Variants in TPGS1 observed in about 807,000 individuals in gnomAD.
TPGS1 encodes gene trap ROSA b-geo 22.
A neutral mutation model predicts 11.9 loss-of-function variants in TPGS1; 18 were observed. The observed-to-expected ratio is 1.51, with a 90% CI of 1.04 to 2.24. The LOEUF is 2.24. Ranked by LOEUF, TPGS1 falls within the 30% of genes most tolerant of loss-of-function variation. The probability of loss-of-function intolerance (pLI) is 0.00; values close to 1 mark genes in which losing one functional copy is unlikely to be tolerated. For missense variants in TPGS1, 500 were observed against 443.0 expected (o/e 1.13, Z -1.16); for synonymous variants, 247 against 218.2 (o/e 1.13, Z -1.16).
intron 1 of TPGS1, chr19:508,397 C>G (rs1978689964): frequency 6.6e-6 from 1 of 152,444 alleles, no homozygotes; most frequent in Non-Finnish European, 1.5e-5. Context: ...AATTTAGACC[C>G]CGAGTGTGGG....
At chr19:511,997 G>A (rs1349638565) in intron 1 of TPGS1, among the ~76,000 whole-genome samples, 4 of 151,834 alleles carry the variant, frequency 2.6e-5, no homozygotes, top group Admixed American at 6.6e-5. Flanking sequence ...TCAGCCTCCC[G>A]AGTAGCTGGG....
rs1424651704 is a variant in TPGS1 at position 507,835 on chromosome 19, A to G, written c.329A>G (p.His110Arg). 3 of 1,342,572 alleles carry G rather than the reference A, an allele frequency of 2.2e-6. No individual in the cohort carries two copies. The highest frequency in any genetic ancestry group is 3.0e-5 in the East Asian group (1 of 32,874). 83.2% of individuals were successfully genotyped at this position (1,342,572 alleles called of 1,614,324 possible). A position where few individuals can be genotyped will look rare whatever the true frequency, so the allele number is the denominator to read the frequency against. ...RALWHLRLAH[H>R]SQRAAFNNNV... ...CTATGGCACCTTCGCCTGGCCCACC[A>G]CTCCCAGAGGTGCGCAGTGGGCCGG... The change falls in exon 1 of 2, where the codon CAC (histidine) becomes CGC (arginine). Residue 110 changes from histidine to arginine, a missense_variant. His to Arg is a conservative substitution (Grantham distance 29). Coordinates refer to ENST00000359315, the MANE Select transcript of TPGS1 (RefSeq NM_033513.3).
chr19:511,611 C>T (rs1978797418), intron 1 of TPGS1, among the ~76,000 whole-genome samples: 1 of 152,400 alleles, frequency 6.6e-6, no homozygotes, highest in South Asian at 2.1e-4. Flanking sequence ...GGCAGACGAA[C>T]ACCCGAGGCA....
At position 517,069 on chromosome 19, in the gene TPGS1, C is replaced by T. The variant is rs144895777; in HGVS notation, c.339-1820C>T. Among the ~76,000 whole-genome samples, 149 of 152,094 alleles carry T rather than the reference C, an allele frequency of 9.8e-4. 1 individual carries two copies. The highest frequency in any genetic ancestry group is 3.2e-3 in the African/African-American group (132 of 41,500). On this transcript the variant is annotated intron_variant, in intron 1 of 1. Coordinates refer to ENST00000359315, the MANE Select transcript of TPGS1 (RefSeq NM_033513.3). Reference sequence around the variant, plus strand: ...TGTGGGCAGGGCAGTGTTCTGGGCACCAGGGCTATAACCAAGACGAACTTC... The same window carrying T: ...TGTGGGCAGGGCAGTGTTCTGGGCATCAGGGCTATAACCAAGACGAACTTC...
chr19:508,205 C>G (rs1194078375), intron 1 of TPGS1: 1 of 209,898 alleles, frequency 4.8e-6, no homozygotes, highest in Admixed American at 5.9e-5. Flanking sequence ...TCCTCCTAGT[C>G]GCCTCCTTAG....
chr19:512,448 C>T (rs1022166702), intron 1 of TPGS1, among the ~76,000 whole-genome samples: 1 of 152,242 alleles, frequency 6.6e-6, no homozygotes, highest in Non-Finnish European at 1.5e-5. Context: ...CAGGCAGGAG[C>T]CACGGCACCC....
intron 1 of TPGS1, among the ~76,000 whole-genome samples, chr19:513,448 G>T (rs1978859101): frequency 6.6e-6 from 1 of 152,086 alleles, no homozygotes; most frequent in Non-Finnish European, 1.5e-5. Context: ...CCTCGAGCTC[G>T]CTGAGATGGC....
In TPGS1 at chr19:518,755, G is replaced by T. The variant is rs1354481114; in HGVS notation, c.339-134G>T. On this transcript the variant is annotated intron_variant, in intron 1 of 1. Coordinates refer to ENST00000359315, the MANE Select transcript of TPGS1 (RefSeq NM_033513.3). ...GAGGAGGAGGGGAGGCCGGGGATGG[G>T]GGGTAGGAGGAGAGGGGAGGCCAGG... 145 of 944,954 alleles carry T rather than the reference G, an allele frequency of 1.5e-4. 1 individual carries two copies. The highest frequency in any genetic ancestry group is 1.4e-3 in the Middle Eastern group (4 of 2,912). 58.5% of individuals were successfully genotyped at this position (944,954 alleles called of 1,614,324 possible).
intron 1 of TPGS1, among the ~76,000 whole-genome samples, chr19:514,913 A>G (rs1346373067): frequency 2.0e-5 from 3 of 152,162 alleles, no homozygotes; most frequent in Non-Finnish European, 4.4e-5. Flanking sequence ...CCTCCACGGG[A>G]GTGTGTGTCA....
chr19:518,737 A>C, intron 1 of TPGS1, 152 bp from the exon 2 acceptor site: 1 of 725,844 alleles, frequency 1.4e-6, no homozygotes, highest in Non-Finnish European at 1.9e-6. Context: ...GGTGAGGAGG[A>C]GGGGAGGCCG....
Position 507,524 on chromosome 19 carries a change from G to A in TPGS1, c.18G>A (p.Lys6=). Residue 6 remains lysine, a synonymous_variant, in exon 1 of 2, where the codon AAG becomes AAA. Transcript: ENST00000359315. The part of the protein sequence containing the change: MAAVE[K]RRQAVPPPAG... ...CAGCGAAGATGGCGGCAGTGGAGAA[G>A]CGGCGGCAAGCGGTACCACCGCCGG... is the stretch of plus-strand genomic sequence containing the variant. The A allele has an allele frequency of 1.4e-6, 2 of 1,419,054 alleles. No individual in the cohort carries two copies. The highest frequency in any genetic ancestry group is 1.8e-6 in the Non-Finnish European group (2 of 1,082,500). 87.9% of individuals were successfully genotyped at this position (1,419,054 alleles called of 1,614,324 possible).
intron 1 of TPGS1, among the ~76,000 whole-genome samples, chr19:513,220 C>T (rs1234268145): frequency 1.3e-5 from 2 of 152,170 alleles, no homozygotes; most frequent in Non-Finnish European, 1.5e-5. Context: ...GATGGGAGCT[C>T]GGGCCGCCGC....
intron 1 of TPGS1, 28 bp downstream of exon 1, chr19:507,872 G>T: frequency 7.7e-7 from 1 of 1,304,862 alleles, no homozygotes; most frequent in Non-Finnish European, 9.7e-7. Context: ...TTGGGCGGGT[G>T]GGGCAGCGAT....
At chr19:510,261 T>A (rs1226225903) in intron 1 of TPGS1, 1 of 151,898 alleles carries the variant, frequency 6.6e-6, no homozygotes, top group East Asian at 1.9e-4. Flanking sequence ...TAGTCCCAGC[T>A]ACTCGGGAGG....
chr19:512,807 C>T (rs1184568781), intron 1 of TPGS1, among the ~76,000 whole-genome samples: 1 of 152,240 alleles, frequency 6.6e-6, no homozygotes, highest in African/African-American at 2.4e-5. Flanking sequence ...AGTGTGGCCT[C>T]CGAGGCGGGT....
chr19:512,981 A>AGCCCCGGGGGAGT (rs1195819720), intron 1 of TPGS1, among the ~76,000 whole-genome samples: 1 of 152,138 alleles, frequency 6.6e-6, no homozygotes, highest in Non-Finnish European at 1.5e-5. Context: ...CCTCGCGTCG[A>AGCCCCGGGGGAGT]GCCCCGGGGG....
intron 1 of TPGS1, chr19:508,920 C>G (rs1269321461): frequency 6.6e-6 from 1 of 152,460 alleles, no homozygotes; most frequent in Non-Finnish European, 1.5e-5. Flanking sequence ...AGGCCCCGCC[C>G]GATGATTTGC....
intron 1 of TPGS1, chr19:510,354 C>T (rs1177520762): frequency 6.7e-6 from 1 of 150,302 alleles, no homozygotes; most frequent in Non-Finnish European, 1.5e-5. Flanking sequence ...GCCTGGGCGA[C>T]AGAGCGAGAC....
chr19:515,901 G>A (rs1260985100), intron 1 of TPGS1, among the ~76,000 whole-genome samples: 1 of 150,822 alleles, frequency 6.6e-6, no homozygotes, highest in Non-Finnish European at 1.5e-5. Flanking sequence ...GCATAGTGGC[G>A]GACGCCTGTA....
Sources: gnomAD v4.1 joint callset for allele counts (sites outside exome capture counted in the v4.1 genomes callset) on GRCh38, gnomAD v4.1.1 for gene constraint, MANE v1.5 for transcripts, NCBI Gene and HGNC (gene_info 2026-07-23, HGNC 2026-07-21) for gene names.